Variants in ATP8A1 observed in about 807,000 individuals in gnomAD.
The protein encoded by ATP8A1 is ATPase phospholipid transporting 8A1.
Under a neutral mutation model 177.7 loss-of-function variants are expected in ATP8A1, and 90 were observed. The ratio of observed to expected loss-of-function variants is 0.51; its 90% confidence interval spans 0.43 to 0.60. ATP8A1 has a LOEUF of 0.60. Among genes scored for constraint, ATP8A1 ranks in the 20% least tolerant of loss-of-function variants. The probability of loss-of-function intolerance (pLI) is 0.00; values close to 1 mark genes in which losing one functional copy is unlikely to be tolerated. For synonymous variants in ATP8A1, 493 were observed against 485.9 expected (o/e 1.01, Z -0.19); for missense variants, 1,072 against 1,392.8 (o/e 0.77, Z 3.67).
intron 5 of ATP8A1, among the ~76,000 whole-genome samples, chr4:42,613,149 C>G (rs17448080): frequency 0.18 from 26,854 of 152,212 alleles, 2,543 homozygotes; most frequent in East Asian, 0.21. Context: ...AATTATCTGA[C>G]AGCAAACAGT....
chr4:42,567,155 T>A (rs1005600615), intron 15 of ATP8A1, among the ~76,000 whole-genome samples: 1 of 152,224 alleles, frequency 6.6e-6, no homozygotes, highest in Non-Finnish European at 1.5e-5. Context: ...TTGGACACAG[T>A]AGCAGCTCAG....
At chr4:42,601,844 C>A (rs531690004) in intron 5 of ATP8A1, among the ~76,000 whole-genome samples, 1 of 152,248 alleles carries the variant, frequency 6.6e-6, no homozygotes, top group South Asian at 2.1e-4. Flanking sequence ...CTAAAGCGAT[C>A]ACAATAATAA....
rs566971252 is a variant in ATP8A1 at position 42,510,523 on chromosome 4, AG to A, written c.1948-3370del. Among the ~76,000 whole-genome samples, 86 of 147,842 alleles carry A rather than the reference AG, an allele frequency of 5.8e-4. No homozygotes were observed. In the South Asian group the frequency reaches 0.016, roughly 28 times the overall value. ...TTTTAAGCATTTTACCCAAGGCATA[AG>A]GTTTTTTTTTTTAGTGATCATGGGG... On this transcript the variant is annotated intron_variant, in intron 22 of 36. Transcript: ENST00000381668.
intron 1 of ATP8A1, among the ~76,000 whole-genome samples, chr4:42,653,950 A>G (rs565818070): frequency 6.6e-6 from 1 of 152,250 alleles, no homozygotes; most frequent in South Asian, 2.1e-4. Flanking sequence ...TCTCCTAACT[A>G]CAGAAATAGA....
rs764468066 is a variant in ATP8A1 at position 42,616,187 on chromosome 4, T to C, written c.364-109A>G. The C allele has an allele frequency of 6.1e-4, 556 of 907,480 alleles. 2 individuals carry two copies. Among genetic ancestry groups the C allele is most frequent in the Non-Finnish European group, 8.6e-4 (509 of 588,762 alleles). 56.2% of individuals were successfully genotyped at this position (907,480 alleles called of 1,614,324 possible). A position where few individuals can be genotyped will look rare whatever the true frequency, so the allele number is the denominator to read the frequency against. On this transcript the variant is annotated intron_variant, in intron 4 of 36. Coordinates refer to ENST00000381668, the MANE Select transcript of ATP8A1 (RefSeq NM_006095.2). ...TAGCTTATGTTTCTCAAGGTTTTTA[T>C]CATTTCTCATTCATGTCAATGTTAA...
chr4:42,565,686 T>C (rs1269107981), intron 15 of ATP8A1, among the ~76,000 whole-genome samples: 1 of 152,150 alleles, frequency 6.6e-6, no homozygotes, highest in East Asian at 1.9e-4. Context: ...AAAATGATAG[T>C]GGGGGAAAGG....
rs554359433 is a variant in ATP8A1, at chr4:42,464,059, C to T, written c.2619+631G>A. On this transcript the variant is annotated intron_variant, in intron 27 of 36. Transcript: ENST00000381668. ...ATAGCTTTTCTACATGTGTGTTATC[C>T]CTCCATGGTGTATTGCTTTCTTTTG... is the stretch of plus-strand genomic sequence containing the variant. 3.9e-5 allele frequency among the ~76,000 whole-genome samples: 6 copies of T among 152,068 alleles called. No individual in the cohort carries two copies. The East Asian group carries it at 1.2e-3, about 29-fold the overall frequency.
intron 6 of ATP8A1, among the ~76,000 whole-genome samples, chr4:42,595,769 G>A (rs569917014): frequency 6.6e-6 from 1 of 152,202 alleles, no homozygotes; most frequent in South Asian, 2.1e-4. Flanking sequence ...TCAGAATCAC[G>A]TCCTCTACAC....
At chr4:42,417,541 T>C (rs1713383116) in intron 35 of ATP8A1, among the ~76,000 whole-genome samples, 1 of 152,128 alleles carries the variant, frequency 6.6e-6, no homozygotes, top group African/African-American at 2.4e-5. Flanking sequence ...AATTTAAACA[T>C]TTGGTGGAGG....
rs189940971 is a variant in ATP8A1 at position 42,574,493 on chromosome 4, C to T, written c.1295+126G>A. 2,517 of 714,854 alleles carry T rather than the reference C, an allele frequency of 3.5e-3. 13 individuals are homozygous for T. The highest frequency in any genetic ancestry group is 6.8e-3 in the East Asian group (229 of 33,622). The allele number at this position is 714,854 out of a possible 1,614,324, so 44.3% of individuals were successfully genotyped here. Reference sequence around the variant, plus strand: ...TACATGTGTCCTAAAATTATAACAGCTGCTTTTCAGACTAAAAAAAACCAA... The same window carrying T: ...TACATGTGTCCTAAAATTATAACAGTTGCTTTTCAGACTAAAAAAAACCAA... On this transcript the variant is annotated intron_variant, in intron 14 of 36. Transcript: ENST00000381668.
intron 25 of ATP8A1, among the ~76,000 whole-genome samples, chr4:42,476,141 A>G (rs73235581): frequency 1.3e-5 from 2 of 152,156 alleles, no homozygotes; most frequent in Admixed American, 1.3e-4. Context: ...GTTCCTGAGC[A>G]CTACAGCACA....
In ATP8A1 at chr4:42,455,426, C is replaced by A. The variant is rs367584032; in HGVS notation, c.2695-7G>T. On this transcript the variant is annotated splice_region_variant and splice_polypyrimidine_tract_variant and intron_variant, in intron 28 of 36. Transcript: ENST00000381668. The stretch of plus-strand genomic sequence containing the variant: ...GAGGCATTGCTGTAAACATCTAAAG[C>A]GCACAAACTGGTCATTATGTCAAGC... 22 of 1,613,746 alleles carry A rather than the reference C, an allele frequency of 1.4e-5. No individual in the cohort carries two copies. The Admixed American group carries it at 2.8e-4, about 21-fold the overall frequency.
intron 27 of ATP8A1, among the ~76,000 whole-genome samples, chr4:42,456,573 TAAG>T (rs934558866): frequency 1.3e-5 from 2 of 152,072 alleles, no homozygotes; most frequent in African/African-American, 4.8e-5. Flanking sequence ...GTTTAAAACA[TAAG>T]AAAAATTAAA....
chr4:42,423,316 C>A (rs1714206743), intron 34 of ATP8A1, among the ~76,000 whole-genome samples: 1 of 151,884 alleles, frequency 6.6e-6, no homozygotes, highest in Non-Finnish European at 1.5e-5. Context: ...GGAAATAGTA[C>A]AATTTTTCTT....
intron 1 of ATP8A1, among the ~76,000 whole-genome samples, chr4:42,631,177 A>T (rs1195274722): frequency 3.3e-5 from 5 of 152,146 alleles, no homozygotes; most frequent in African/African-American, 1.2e-4. Flanking sequence ...CTGACAATTC[A>T]CCTGCTTCCC....
intron 29 of ATP8A1, among the ~76,000 whole-genome samples, chr4:42,452,854 C>T (rs530915605): frequency 6.6e-6 from 1 of 152,298 alleles, no homozygotes; most frequent in East Asian, 1.9e-4. Context: ...AAAACTTATG[C>T]TAAATAAAAC....
chr4:42,540,156 C>T (rs1025475894), intron 20 of ATP8A1, among the ~76,000 whole-genome samples: 1 of 151,948 alleles, frequency 6.6e-6, no homozygotes, highest in African/African-American at 2.4e-5. Context: ...AGAAGACATA[C>T]AAATGGTCAA....
chr4:42,444,913 T>G (rs1430187925), intron 31 of ATP8A1, among the ~76,000 whole-genome samples: 1 of 152,232 alleles, frequency 6.6e-6, no homozygotes, highest in Non-Finnish European at 1.5e-5. Flanking sequence ...TTCCTCTGTA[T>G]GTGTTTTCTG....
chr4:42,524,637 A>G (rs1726490300), intron 21 of ATP8A1, 126 bp downstream of exon 21: 1 of 526,220 alleles, frequency 1.9e-6, no homozygotes, highest in Non-Finnish European at 3.3e-6. Context: ...TAAAATCTAA[A>G]TTGCCAACAG....
Sources: gnomAD v4.1 joint callset for allele counts (sites outside exome capture counted in the v4.1 genomes callset) on GRCh38, gnomAD v4.1.1 for gene constraint, MANE v1.5 for transcripts, NCBI Gene and HGNC (gene_info 2026-07-23, HGNC 2026-07-21) for gene names.